The following KLF12 variants were observed in gnomAD, a reference collection of about 807,000 sequenced individuals.
The protein encoded by KLF12 is KLF transcription factor 12.
KLF12 carries 9 observed loss-of-function variants against 37.8 expected under a neutral mutation model. The ratio of observed to expected loss-of-function variants is 0.24; its 90% CI spans 0.14 to 0.42. KLF12 has a LOEUF of 0.42. Ranked by LOEUF, KLF12 falls within the 10% of genes least tolerant of loss-of-function variation. The probability of loss-of-function intolerance (pLI) is 1.00; values close to 1 mark genes in which losing one functional copy is unlikely to be tolerated. For missense variants in KLF12, 411 were observed against 516.0 expected, an observed-to-expected ratio of 0.80 and a Z score of 1.97; for synonymous variants, 208 against 202.1, an observed-to-expected ratio of 1.03 and a Z score of -0.25.
chr13:73,851,748 C>T (rs1045724277), intron 3 of KLF12, among the ~76,000 whole-genome samples: 2 of 152,034 alleles, frequency 1.3e-5, no homozygotes, highest in Non-Finnish European at 2.9e-5. Flanking sequence ...TGAACATGTA[C>T]CTTTTATAGG....
the KLF12 span, among the ~76,000 whole-genome samples, chr13:74,283,563 G>A: frequency 6.6e-6 from 1 of 152,118 alleles, no homozygotes; most frequent in East Asian, 1.9e-4. Context: ...CCTAATTAAT[G>A]AAACAGTATG....
intron 5 of KLF12, among the ~76,000 whole-genome samples, chr13:73,780,520 C>T (rs1042830442): frequency 2.0e-5 from 3 of 151,426 alleles, no homozygotes; most frequent in African/African-American, 7.3e-5. Context: ...GCTCTTGTTG[C>T]CCAGGCTGGA....
chr13:74,146,214 T>C, the KLF12 span, among the ~76,000 whole-genome samples: 1 of 152,188 alleles, frequency 6.6e-6, no homozygotes, highest in Non-Finnish European at 1.5e-5. Context: ...ATCTTAGCCA[T>C]AGAGTTATAA....
the KLF12 span, among the ~76,000 whole-genome samples, chr13:74,229,811 T>G: frequency 6.6e-6 from 1 of 152,144 alleles, no homozygotes; most frequent in African/African-American, 2.4e-5. Context: ...TTCTGCTTCT[T>G]ATACAGACTA....
chr13:74,055,089 C>A (rs1333294725), intron 1 of KLF12, among the ~76,000 whole-genome samples: 1 of 152,172 alleles, frequency 6.6e-6, no homozygotes, highest in Non-Finnish European at 1.5e-5. Flanking sequence ...GCAGAATATG[C>A]AATTGTACAG....
the KLF12 span, among the ~76,000 whole-genome samples, chr13:74,295,423 T>G: frequency 6.6e-6 from 1 of 152,202 alleles, no homozygotes. Context: ...CCCTTGGTTT[T>G]GCTCTCTTCC....
intron 5 of KLF12, among the ~76,000 whole-genome samples, chr13:73,784,486 T>C (rs971544384): frequency 2.4e-5 from 3 of 127,458 alleles, no homozygotes; most frequent in South Asian, 2.7e-4. Flanking sequence ...TTTAATCCAG[T>C]GCGAACTTAC....
chr13:74,221,434 C>T, the KLF12 span, among the ~76,000 whole-genome samples: 1 of 151,404 alleles, frequency 6.6e-6, no homozygotes, highest in African/African-American at 2.4e-5. Context: ...CTTTTTGGGT[C>T]ACTTGGAATT....
intron 5 of KLF12, among the ~76,000 whole-genome samples, chr13:73,805,656 GGAAGGAAGGAAGGAAGGAAGGAAGGA>G (rs1566380386): frequency 1.5e-3 from 53 of 35,120 alleles, no homozygotes; most frequent in African/African-American, 8.4e-3. Context: ...GAGGGAGGAA[GGAAGGAAGGAAGGAAGGAAGGAAGGA>G]AGGAAGGAAG....
intron 6 of KLF12, among the ~76,000 whole-genome samples, chr13:73,743,375 C>G (rs1204468774): frequency 1.3e-5 from 2 of 152,182 alleles, no homozygotes; most frequent in Non-Finnish European, 2.9e-5. Context: ...AACATTACTT[C>G]TCTCAGGATC....
intron 1 of KLF12, among the ~76,000 whole-genome samples, chr13:74,125,166 T>TATAC (rs1555274259): frequency 5.8e-5 from 8 of 138,804 alleles, no homozygotes; most frequent in Non-Finnish European, 1.2e-4. Flanking sequence ...TATATATATA[T>TATAC]ACACACACAC....
intron 1 of KLF12, among the ~76,000 whole-genome samples, chr13:74,115,037 G>C (rs1440066052): frequency 6.6e-6 from 1 of 152,140 alleles, no homozygotes; most frequent in Non-Finnish European, 1.5e-5. Flanking sequence ...TTCCCAGTCT[G>C]TGGGAAAATT....
the KLF12 span, among the ~76,000 whole-genome samples, chr13:74,159,902 T>A: frequency 2.0e-5 from 3 of 148,706 alleles, no homozygotes; most frequent in Non-Finnish European, 4.4e-5. Context: ...CTTAGGAGGC[T>A]GAGGTGGGAT....
chr13:73,750,826 G>A (rs1001279412), intron 6 of KLF12, among the ~76,000 whole-genome samples: 21 of 152,150 alleles, frequency 1.4e-4, no homozygotes, highest in African/African-American at 4.8e-4. Context: ...TTTCCTTGGT[G>A]ATCAAGCTGT....
At chr13:73,696,304 G>C (rs1874146462) in intron 7 of KLF12, among the ~76,000 whole-genome samples, 1 of 152,176 alleles carries the variant, frequency 6.6e-6, no homozygotes, top group Non-Finnish European at 1.5e-5. Flanking sequence ...CAGGACTTAA[G>C]AATCAGGGTA....
At chr13:73,957,816 T>C (rs1174096713) in intron 2 of KLF12, among the ~76,000 whole-genome samples, 6 of 152,172 alleles carry the variant, frequency 3.9e-5, no homozygotes, top group South Asian at 2.1e-4. Context: ...TCACAAGTTA[T>C]GTAAATAAAT....
chr13:73,729,744 C>A (rs1435850937), intron 6 of KLF12, among the ~76,000 whole-genome samples: 2 of 152,152 alleles, frequency 1.3e-5, no homozygotes, highest in Non-Finnish European at 2.9e-5. Flanking sequence ...TAGCAGTCAG[C>A]TGTGTAGGTA....
At chr13:73,861,159 A>AT (rs1885905716) in intron 3 of KLF12, among the ~76,000 whole-genome samples, 1 of 152,088 alleles carries the variant, frequency 6.6e-6, no homozygotes, top group Admixed American at 6.6e-5. Flanking sequence ...AGGATTCTGC[A>AT]TTTTTTTCTG....
chr13:74,026,696 T>C (rs1286057834), intron 1 of KLF12, among the ~76,000 whole-genome samples: 3 of 152,190 alleles, frequency 2.0e-5, no homozygotes, highest in Non-Finnish European at 4.4e-5. Flanking sequence ...TTCACCTTGA[T>C]TTCTATCCAG....
Sources: gnomAD v4.1 joint callset for allele counts (sites outside exome capture counted in the v4.1 genomes callset) on GRCh38, gnomAD v4.1.1 for gene constraint, MANE v1.5 for transcripts, NCBI Gene and HGNC (gene_info 2026-07-23, HGNC 2026-07-21) for gene names.